The following RGS8 variants were observed in gnomAD, a reference collection of about 807,000 sequenced individuals.
RGS8 encodes regulator of G protein signaling 8, also known as regulator of G-protein signaling 8.
Under a neutral mutation model 21.7 loss-of-function variants are expected in RGS8, and 8 were observed. That is an observed-to-expected ratio of 0.37 (90% CI 0.22 to 0.66). The LOEUF (loss-of-function observed/expected upper bound fraction) is 0.66. Among genes scored for constraint, RGS8 ranks in the 30% least tolerant of loss-of-function variants. RGS8 has a pLI of 0.59. For synonymous variants in RGS8, 80 were observed against 83.6 expected (o/e 0.96, Z 0.24); for missense variants, 157 against 217.9 (o/e 0.72, Z 1.76).
At chr1:182,736,019 C>T in the RGS8 span, among the ~76,000 whole-genome samples, 1 of 152,220 alleles carries the variant, frequency 6.6e-6, no homozygotes, top group East Asian at 1.9e-4. Context: ...CTGTGTACCA[C>T]CTATACCATT....
the RGS8 span, among the ~76,000 whole-genome samples, chr1:182,723,538 G>A: frequency 6.6e-6 from 1 of 152,210 alleles, no homozygotes; most frequent in Non-Finnish European, 1.5e-5. Flanking sequence ...AAAAATGGAA[G>A]AGAGTGCTTA....
the RGS8 span, among the ~76,000 whole-genome samples, chr1:182,702,270 C>G: frequency 6.6e-6 from 1 of 152,152 alleles, no homozygotes; most frequent in African/African-American, 2.4e-5. Flanking sequence ...AACATGGATG[C>G]AGGTGGAGGC....
chr1:182,744,687 G>A, the RGS8 span, among the ~76,000 whole-genome samples: 1 of 152,194 alleles, frequency 6.6e-6, no homozygotes, highest in Admixed American at 6.5e-5. Flanking sequence ...TGTTGCCTAG[G>A]TGTGTAGTTG....
At chr1:182,730,175 A>C in the RGS8 span, among the ~76,000 whole-genome samples, 1 of 151,998 alleles carries the variant, frequency 6.6e-6, no homozygotes, top group African/African-American at 2.4e-5. Flanking sequence ...AATATCTTCA[A>C]CCCTGACTCC....
chr1:182,666,326 G>T (rs1294971008), intron 4 of RGS8, among the ~76,000 whole-genome samples: 1 of 152,178 alleles, frequency 6.6e-6, no homozygotes, highest in Non-Finnish European at 1.5e-5. Context: ...GGTAACAATG[G>T]AAAGAAACTG....
chr1:182,672,025 A>AGGG, upstream of RGS8: 4 of 772,184 alleles, frequency 5.2e-6, no homozygotes, highest in Non-Finnish European at 7.2e-6. Flanking sequence ...AGCTGAGCTC[A>AGGG]GCCTCACTAA....
At chr1:182,671,993 C>T, upstream of RGS8, 1 of 1,179,814 alleles carries the variant, frequency 8.5e-7, no homozygotes, top group Admixed American at 3.4e-5. Context: ...TCCTCATTGG[C>T]AGGATGCAGA....
the RGS8 span, among the ~76,000 whole-genome samples, chr1:182,705,887 G>C: frequency 6.6e-6 from 1 of 152,190 alleles, no homozygotes; most frequent in Non-Finnish European, 1.5e-5. Flanking sequence ...AGTGGGTATG[G>C]GGCAGAGGAC....
the RGS8 span, among the ~76,000 whole-genome samples, chr1:182,706,204 C>A: frequency 1.3e-5 from 2 of 151,996 alleles, no homozygotes; most frequent in Admixed American, 6.6e-5. Context: ...GGGCTGGTCT[C>A]AAACTCCTGG....
intron 1 of RGS8, among the ~76,000 whole-genome samples, chr1:182,678,879 C>T (rs981317130): frequency 6.6e-6 from 1 of 152,146 alleles, no homozygotes; most frequent in Non-Finnish European, 1.5e-5. Context: ...CCCTCACAAC[C>T]TGATCTCCTG....
the RGS8 span, among the ~76,000 whole-genome samples, chr1:182,736,062 T>C: frequency 6.6e-6 from 1 of 152,222 alleles, no homozygotes; most frequent in Non-Finnish European, 1.5e-5. Context: ...AATTAACTCC[T>C]TTTTCTTTTT....
chr1:182,703,068 T>C, the RGS8 span, among the ~76,000 whole-genome samples: 2 of 152,246 alleles, frequency 1.3e-5, no homozygotes, highest in Non-Finnish European at 2.9e-5. Flanking sequence ...GTACTTATTA[T>C]GTACCATGCA....
chr1:182,721,041 A>ACACATATATGTGTG, the RGS8 span, among the ~76,000 whole-genome samples: 4 of 38,664 alleles, frequency 1.0e-4, no homozygotes, highest in Non-Finnish European at 1.7e-4. Flanking sequence ...GTATATATAC[A>ACACATATATGTGTG]TATACATACA....
At chr1:182,696,479 C>T in the RGS8 span, among the ~76,000 whole-genome samples, 1 of 151,988 alleles carries the variant, frequency 6.6e-6, no homozygotes, top group Non-Finnish European at 1.5e-5. Context: ...TGTCCCAGCC[C>T]CCCGAGTAGC....
chr1:182,704,239 T>C, the RGS8 span, among the ~76,000 whole-genome samples: 1 of 152,212 alleles, frequency 6.6e-6, no homozygotes, highest in Non-Finnish European at 1.5e-5. Context: ...AGCCACAGAA[T>C]CACTTCCCTG....
chr1:182,663,583 T>C lies in RGS8; in HGVS notation c.193+2386A>G, dbSNP rs114942116. Among the ~76,000 whole-genome samples the C allele has an allele frequency of 4.2e-3, 641 of 152,194 alleles. 9 individuals carry two copies. The highest frequency in any genetic ancestry group is 0.015 in the African/African-American group (615 of 41,478). ...TCACTCCGTCACCCAGGCTGGAATA[T>C]AGTGGTGTGATCACAGATCACTGCA... On this transcript the variant is annotated intron_variant, in intron 5 of 6. Transcript: ENST00000483095.
chr1:182,655,332 A>T (rs1231536080), intron 5 of RGS8, among the ~76,000 whole-genome samples: 1 of 152,274 alleles, frequency 6.6e-6, no homozygotes, highest in African/African-American at 2.4e-5. Flanking sequence ...GTGACACCAC[A>T]GATGGTGACA....
chr1:182,722,230 T>C, the RGS8 span, among the ~76,000 whole-genome samples: 69 of 151,362 alleles, frequency 4.6e-4, 1 homozygote, highest in Non-Finnish European at 3.5e-4. Context: ...TTTTTTTTTT[T>C]CCACATATGT....
At chr1:182,743,471 T>TATA in the RGS8 span, among the ~76,000 whole-genome samples, 1 of 152,190 alleles carries the variant, frequency 6.6e-6, no homozygotes, top group South Asian at 2.1e-4. Context: ...ACTTGGGGAC[T>TATA]ATATGTCACG....
Sources: allele counts gnomAD v4.1 joint callset (sites outside exome capture counted in the v4.1 genomes callset), GRCh38; gene constraint gnomAD v4.1.1; transcripts MANE v1.5; gene names NCBI Gene and HGNC (gene_info 2026-07-23, HGNC 2026-07-21).